Variants in ARHGEF18 observed in about 807,000 individuals in gnomAD.
ARHGEF18 encodes the protein rho guanine nucleotide exchange factor 18.
ARHGEF18 carries 93 observed loss-of-function variants against 155.7 expected under a neutral mutation model. The ratio of observed to expected loss-of-function variants is 0.60; its 90% CI spans 0.50 to 0.71. The LOEUF is 0.71. ARHGEF18 is among the 30% of genes least tolerant of loss of function. ARHGEF18 has a pLI of 0.00. For missense variants in ARHGEF18, 1,593 were observed against 1,816.1 expected (o/e 0.88, Z 2.23); for synonymous variants, 742 against 753.1 (o/e 0.99, Z 0.24).
the ARHGEF18 span, among the ~76,000 whole-genome samples, chr19:7,478,899 C>T: frequency 6.6e-6 from 1 of 152,306 alleles, no homozygotes; most frequent in Non-Finnish European, 1.5e-5. Context: ...CTGGCATCTG[C>T]AGGCTGAGGA....
At chr19:7,403,091 G>A (rs901443979) in intron 10 of ARHGEF18, among the ~76,000 whole-genome samples, 2 of 152,122 alleles carry the variant, frequency 1.3e-5, no homozygotes, top group Non-Finnish European at 2.9e-5. Context: ...TCGGCTCACT[G>A]TAACCTCCGC....
intron 15 of ARHGEF18, 73 bp from the exon 16 acceptor site, chr19:7,451,076 C>A: frequency 7.1e-7 from 1 of 1,403,762 alleles, no homozygotes; most frequent in East Asian, 2.3e-5. Flanking sequence ...CTGTCCGTTT[C>A]TGAGATGTTA....
Position 7,444,030 on chromosome 19 carries a change from G to T in ARHGEF18, c.1361-174G>T, listed in dbSNP as rs980940988. On this transcript the variant is annotated intron_variant, in intron 13 of 28. Coordinates refer to ENST00000668164, the MANE Select transcript of ARHGEF18 (RefSeq NM_001367823.1). The surrounding 1 kb of genome is among the most constrained non-coding windows in gnomAD (Gnocchi z 4.7). ...CTGCTCCTTCAGGCTGGGATCCCCCGCAGCATTCTAAACCCTGGACACCCT... is the reference window on the plus strand; with the variant it reads ...CTGCTCCTTCAGGCTGGGATCCCCCTCAGCATTCTAAACCCTGGACACCCT... Among the ~76,000 whole-genome samples, 1 of 152,112 alleles carries T rather than the reference G, an allele frequency of 6.6e-6. No homozygotes were observed. Among genetic ancestry groups the T allele is most frequent in the South Asian group, 2.1e-4 (1 of 4,828 alleles).
chr19:7,412,652 G>A (rs190835986), intron 10 of ARHGEF18, among the ~76,000 whole-genome samples: 5 of 150,820 alleles, frequency 3.3e-5, no homozygotes, highest in African/African-American at 9.7e-5. Context: ...TGAGGCAGGA[G>A]AATCACTTGA....
At chr19:7,408,736 C>A (rs1035714880) in intron 10 of ARHGEF18, among the ~76,000 whole-genome samples, 1 of 151,658 alleles carries the variant, frequency 6.6e-6, no homozygotes, top group Admixed American at 6.6e-5. Flanking sequence ...GAGTTTGAGT[C>A]CCCCCAGATG....
intron 10 of ARHGEF18, among the ~76,000 whole-genome samples, chr19:7,418,922 G>A (rs1973165954): frequency 6.6e-6 from 1 of 151,924 alleles, no homozygotes; most frequent in Non-Finnish European, 1.5e-5. Context: ...GTAAGCACCA[G>A]GGAATGGAAG....
At chr19:7,472,874 ATT>A (rs997326095), downstream of ARHGEF18, 1 of 422,306 alleles carries the variant, frequency 2.4e-6, no homozygotes, top group Non-Finnish European at 4.8e-6. Flanking sequence ...TAATTTTTGT[ATT>A]TTTTTAGTAG....
intron 10 of ARHGEF18, among the ~76,000 whole-genome samples, chr19:7,402,539 C>T (rs1972070670): frequency 6.6e-6 from 1 of 152,132 alleles, no homozygotes; most frequent in Non-Finnish European, 1.5e-5. Flanking sequence ...TATGATAATT[C>T]TATCTCAATA....
At chr19:7,356,313 G>A (rs972742274) in intron 1 of ARHGEF18, among the ~76,000 whole-genome samples, 1 of 149,170 alleles carries the variant, frequency 6.7e-6, no homozygotes, top group Non-Finnish European at 1.5e-5. Flanking sequence ...TTCGGTCGCC[G>A]AGGCTGGAGT....
chr19:7,372,697 A>G (rs7507709), intron 2 of ARHGEF18, 115 bp from the exon 3 acceptor site: 82,819 of 1,073,130 alleles, frequency 0.077, 12,120 homozygotes, highest in African/African-American at 0.55. Flanking sequence ...AGGGACAGGT[A>G]GGGGACAGGC....
intron 10 of ARHGEF18, among the ~76,000 whole-genome samples, chr19:7,403,251 G>A (rs1972111423): frequency 6.6e-6 from 1 of 152,036 alleles, no homozygotes; most frequent in Non-Finnish European, 1.5e-5. Context: ...CCAAATCAGT[G>A]ATTTTTACTA....
rs57060348 is a variant in ARHGEF18, at chr19:7,402,657, G to A, written c.967+19454G>A. Among the ~76,000 whole-genome samples the A allele has an allele frequency of 0.011, 1,749 of 152,228 alleles. 134 individuals carry two copies. The East Asian group carries it at 0.18, about 16-fold the overall frequency. ...GACTGAGTGGCAGGAAGACTGGGGGGTAAAGCTAAGAGAACCCTAAAGGAA... is the reference window on the plus strand; with the variant it reads ...GACTGAGTGGCAGGAAGACTGGGGGATAAAGCTAAGAGAACCCTAAAGGAA... On this transcript the variant is annotated intron_variant, in intron 10 of 28. Coordinates refer to ENST00000668164, the MANE Select transcript of ARHGEF18 (RefSeq NM_001367823.1).
intron 10 of ARHGEF18, among the ~76,000 whole-genome samples, chr19:7,416,655 T>C (rs1207658644): frequency 7.0e-6 from 1 of 142,800 alleles, no homozygotes; most frequent in African/African-American, 2.6e-5. Context: ...AAGCCTGGAG[T>C]GCAGTGGCAC....
intron 15 of ARHGEF18, among the ~76,000 whole-genome samples, chr19:7,448,457 C>A (rs373588322): frequency 6.6e-6 from 1 of 152,144 alleles, no homozygotes; most frequent in Non-Finnish European, 1.5e-5. Context: ...GTCAGGAGAT[C>A]GAGACCATCC....
chr19:7,379,208 A>AGACAAAAGCAGGAAGCATGCAGGGGT, intron 7 of ARHGEF18, 42 bp downstream of exon 7: 1 of 1,229,490 alleles, frequency 8.1e-7, no homozygotes. Flanking sequence ...GCAAAGTGGG[A>AGACAAAAGCAGGAAGCATGCAGGGGT]GACAAAAGCA....
At chr19:7,434,030 A>G (rs1974116444) in intron 10 of ARHGEF18, among the ~76,000 whole-genome samples, 1 of 121,072 alleles carries the variant, frequency 8.3e-6, no homozygotes, top group Non-Finnish European at 1.7e-5. Context: ...TAAAAAAAAA[A>G]AAAAAAAGAA....
chr19:7,467,342 C>T lies in ARHGEF18; in HGVS notation c.3138C>T (p.Phe1046=), dbSNP rs1167022588. Residue 1046 remains phenylalanine, a synonymous_variant, in exon 26 of 29, where the codon TTC becomes TTT. Transcript: ENST00000668164. ...TGGAGCAGGAGCGGCAACGCAACTT[C>T]GAGAAGCAGCGGGAGGAGCGCGCGG... is the stretch of plus-strand genomic sequence containing the variant. ...LLLEQERQRN[F]EKQREERAAL... is the part of the protein sequence containing the mutation. The T allele has an allele frequency of 1.4e-5, 22 of 1,536,694 alleles. No individual in the cohort carries two copies. Among genetic ancestry groups the T allele is most frequent in the Admixed American group, 2.0e-5 (1 of 50,994 alleles).
In ARHGEF18 at chr19:7,464,644, TCAGTGA is replaced by T. The variant is rs777809643; in HGVS notation, c.2867_2872del (p.Ser956_Asp957del). 6.2e-7 allele frequency: 1 copy of T among 1,613,918 alleles called. No homozygotes were observed. The highest frequency in any genetic ancestry group is 1.7e-5 in the Admixed American group (1 of 60,006). On this transcript the variant is annotated inframe_deletion, in exon 23 of 29. Transcript: ENST00000668164. ...CCCCCAAACAGCCCGGACTTGAAGC[TCAGTGA>T]CAGTGACATTCCTGGGAGCTCTGAG...
intron 10 of ARHGEF18, among the ~76,000 whole-genome samples, chr19:7,412,685 T>C (rs962366107): frequency 1.3e-5 from 2 of 148,888 alleles, no homozygotes; most frequent in African/African-American, 5.0e-5. Flanking sequence ...GAGGTTGCAG[T>C]GAACTGAGAT....
Sources: allele counts gnomAD v4.1 joint callset (sites outside exome capture counted in the v4.1 genomes callset), GRCh38; gene constraint gnomAD v4.1.1; non-coding constraint Gnocchi (gnomAD v3.1); transcripts MANE v1.5; gene names NCBI Gene and HGNC (gene_info 2026-07-23, HGNC 2026-07-21).